The following TRIM63 variants were observed in gnomAD, a reference collection of about 807,000 sequenced individuals.
TRIM63 encodes E3 ubiquitin-protein ligase TRIM63.
In TRIM63, 48 loss-of-function variants were observed where a neutral mutation model predicts 46.0. That is an observed-to-expected ratio of 1.04 (90% CI 0.83 to 1.33). The LOEUF is 1.33. Among genes scored for constraint, TRIM63 ranks in the 40% most tolerant of loss-of-function variants. TRIM63 has a pLI of 0.00. For synonymous variants in TRIM63, 175 were observed against 162.8 expected (o/e 1.08, Z -0.57); for missense variants, 455 against 441.2 (o/e 1.03, Z -0.28).
intron 2 of TRIM63, among the ~76,000 whole-genome samples, chr1:26,061,720 A>G (rs1175048413): frequency 2.0e-5 from 3 of 152,232 alleles, no homozygotes. Flanking sequence ...TGACTCGTCC[A>G]AGGTCATACA....
intron 7 of TRIM63, among the ~76,000 whole-genome samples, chr1:26,056,988 C>A (rs2050577102): frequency 6.6e-6 from 1 of 152,182 alleles, no homozygotes; most frequent in Admixed American, 6.5e-5. Flanking sequence ...GTCTCAAACT[C>A]CTGACCTCAA....
intron 8 of TRIM63, among the ~76,000 whole-genome samples, chr1:26,052,194 G>A (rs756377245): frequency 1.4e-4 from 21 of 152,206 alleles, no homozygotes; most frequent in Non-Finnish European, 2.8e-4. Flanking sequence ...CTATGCATCA[G>A]ACACCGTGCT....
chr1:26,053,796 G>T, intron 8 of TRIM63, 97 bp downstream of exon 8: 1 of 918,010 alleles, frequency 1.1e-6, no homozygotes, highest in African/African-American at 1.7e-5. Flanking sequence ...GAGCGTCATT[G>T]CCAATGTCTA....
chr1:26,056,876 C>A (rs2050575710), intron 7 of TRIM63, among the ~76,000 whole-genome samples: 1 of 151,946 alleles, frequency 6.6e-6, no homozygotes, highest in African/African-American at 2.4e-5. Flanking sequence ...GATTCTCCTG[C>A]CTCAGCTTCC....
chr1:26,059,198 AT>A (rs2050600641), intron 4 of TRIM63, among the ~76,000 whole-genome samples: 1 of 151,200 alleles, frequency 6.6e-6, no homozygotes, highest in Non-Finnish European at 1.5e-5. Context: ...ATTTTTTTGT[AT>A]TTTTAGTAGA....
intron 7 of TRIM63, 148 bp downstream of exon 7, chr1:26,057,055 A>C: frequency 1.9e-6 from 2 of 1,026,556 alleles, no homozygotes; most frequent in Non-Finnish European, 2.7e-6. Context: ...GAGCCACCAC[A>C]GCCGGCCAGA....
intron 6 of TRIM63, 68 bp from the exon 7 acceptor site, chr1:26,057,395 A>G: frequency 6.3e-7 from 1 of 1,578,788 alleles, no homozygotes; most frequent in South Asian, 1.2e-5. Flanking sequence ...GAGAGGGCAC[A>G]TGCTTTGCCA....
In TRIM63 at chr1:26,060,596, A is replaced by T. The variant is rs77733044; in HGVS notation, c.502-235T>A. ...ACAGCAGGCAAGTGAGCTGCCCAAA[A>T]CACACAGCAAGGAACTGACAGAGGA... On this transcript the variant is annotated intron_variant, in intron 3 of 8. Coordinates refer to ENST00000374272, the MANE Select transcript of TRIM63 (RefSeq NM_032588.4). 5.0e-3 allele frequency among the ~76,000 whole-genome samples: 755 copies of T among 152,344 alleles called. 11 individuals are homozygous for T. Among genetic ancestry groups the T allele is most frequent in the African/African-American group, 0.018 (735 of 41,572 alleles).
In TRIM63 at chr1:26,051,637, G is replaced by A; in HGVS notation, c.*236C>T. 2 of 397,874 alleles carry A rather than the reference G, an allele frequency of 5.0e-6. No homozygotes were observed. Among genetic ancestry groups the A allele is most frequent in the Non-Finnish European group, 9.1e-6 (2 of 218,818 alleles). 24.6% of individuals were successfully genotyped at this position (397,874 alleles called of 1,614,324 possible). A position where few individuals can be genotyped will look rare whatever the true frequency, so the allele number is the denominator to read the frequency against. On this transcript the variant is annotated 3_prime_UTR_variant, in exon 9 of 9. Transcript: ENST00000374272. Reference sequence around the variant, plus strand: ...TTCCATTTTGCACCAATGTAGAAAAGTGTCCTGTGTGATTGTTTCAAGCAC... The same window carrying A: ...TTCCATTTTGCACCAATGTAGAAAAATGTCCTGTGTGATTGTTTCAAGCAC...
At chr1:26,054,022 A>C in intron 7 of TRIM63, 58 bp from the exon 8 acceptor site, 1 of 1,293,934 alleles carries the variant, frequency 7.7e-7, no homozygotes, top group Non-Finnish European at 1.1e-6. Flanking sequence ...AGCTACTTGA[A>C]GAGGAACCAG....
chr1:26,066,493 CTT>C, intron 1 of TRIM63, 53 bp from the exon 2 acceptor site: 1 of 1,449,778 alleles, frequency 6.9e-7, no homozygotes, highest in Non-Finnish European at 9.1e-7. Context: ...TAGCCCTTCT[CTT>C]TTCTAATCTC....
intron 7 of TRIM63, among the ~76,000 whole-genome samples, chr1:26,056,790 G>T (rs1042085780): frequency 2.7e-5 from 4 of 148,170 alleles, no homozygotes; most frequent in Non-Finnish European, 5.9e-5. Flanking sequence ...ATGGAGTTTG[G>T]CTGGCTCTTT....
rs909096302 is a variant in TRIM63 at position 26,053,768 on chromosome 1, C to T, written c.1051+125G>A. 2.4e-5 allele frequency: 17 copies of T among 711,092 alleles called. No individual in the cohort carries two copies. The Admixed American group carries it at 2.7e-4, about 11-fold the overall frequency. The allele number at this position is 711,092 out of a possible 1,614,324, so 44.0% of individuals were successfully genotyped here. The stretch of plus-strand genomic sequence containing the variant: ...CTTTACCCTCAGTAGGGTTAAAGCA[C>T]GTGCTGGGGACAGTTCTGAGCGTCA... On this transcript the variant is annotated intron_variant, in intron 8 of 8. Coordinates refer to ENST00000374272, the MANE Select transcript of TRIM63 (RefSeq NM_032588.4).
chr1:26,066,530 C>G, intron 1 of TRIM63, 90 bp from the exon 2 acceptor site: 1 of 1,252,532 alleles, frequency 8.0e-7, no homozygotes, highest in Non-Finnish European at 1.1e-6. Context: ...TCTGCCTATC[C>G]GAACCACCCC....
At position 26,060,203 on chromosome 1, in the gene TRIM63, C is replaced by T. The variant is rs1178672196; in HGVS notation, c.597+63G>A. ...AGCCACAACCTATGGGTGAGCCTTC[C>T]CCAGAGACCAGGCTGCCCTGGAAAG... On this transcript the variant is annotated intron_variant, in intron 4 of 8. Coordinates refer to ENST00000374272, the MANE Select transcript of TRIM63 (RefSeq NM_032588.4). 3 of 1,498,268 alleles carry T rather than the reference C, an allele frequency of 2.0e-6. No individual in the cohort carries two copies. In the African/African-American group the frequency reaches 4.1e-5, roughly 21 times the overall value. 92.8% of individuals were successfully genotyped at this position (1,498,268 alleles called of 1,614,324 possible).
intron 2 of TRIM63, among the ~76,000 whole-genome samples, chr1:26,063,380 CAAACAGCCT>C (rs2050645327): frequency 6.6e-6 from 1 of 152,220 alleles, no homozygotes; most frequent in Admixed American, 6.5e-5. Context: ...GCCTCACCTC[CAAACAGCCT>C]TACATGACTG....
chr1:26,064,302 G>A (rs1298005871), intron 2 of TRIM63, among the ~76,000 whole-genome samples: 4 of 151,994 alleles, frequency 2.6e-5, no homozygotes, highest in South Asian at 4.1e-4. Flanking sequence ...ACGTTGGCAC[G>A]CATCTGTAGT....
At chr1:26,052,577 C>T (rs2050532256) in intron 8 of TRIM63, among the ~76,000 whole-genome samples, 2 of 152,190 alleles carry the variant, frequency 1.3e-5, no homozygotes, top group South Asian at 2.1e-4. Flanking sequence ...AGCGATTCTC[C>T]TGCCTCAGCC....
chr1:26,054,171 T>C (rs1353592709), intron 7 of TRIM63, among the ~76,000 whole-genome samples: 1 of 152,210 alleles, frequency 6.6e-6, no homozygotes, highest in Non-Finnish European at 1.5e-5. Context: ...TCCCCCGCAC[T>C]CCGTCCCAGG....
Sources: allele counts gnomAD v4.1 joint callset (sites outside exome capture counted in the v4.1 genomes callset), GRCh38; gene constraint gnomAD v4.1.1; transcripts MANE v1.5; gene names NCBI Gene and HGNC (gene_info 2026-07-23, HGNC 2026-07-21).